The following MAGI1 variants were observed in gnomAD, a reference collection of about 807,000 sequenced individuals.
MAGI1 encodes membrane associated guanylate kinase, WW and PDZ domain containing 1.
In MAGI1, 58 loss-of-function variants were observed where a neutral mutation model predicts 139.9. That is an observed-to-expected ratio of 0.41 (90% CI 0.34 to 0.52). MAGI1 has a LOEUF of 0.52. MAGI1 is among the 20% of genes least tolerant of loss of function. The probability of loss-of-function intolerance (pLI) is 0.12; values close to 1 mark genes in which losing one functional copy is unlikely to be tolerated. For missense variants in MAGI1, 1,874 were observed against 1,901.6 expected (o/e 0.99, Z 0.27); for synonymous variants, 812 against 737.9 (o/e 1.10, Z -1.63).
intron 1 of MAGI1, among the ~76,000 whole-genome samples, chr3:65,772,777 C>A (rs963842690): frequency 1.3e-5 from 2 of 152,184 alleles, no homozygotes; most frequent in Non-Finnish European, 2.9e-5. Context: ...TTTCCAGGGA[C>A]CTGGTTTTAC....
chr3:65,402,142 C>A (rs1944949075), intron 12 of MAGI1, among the ~76,000 whole-genome samples: 1 of 152,126 alleles, frequency 6.6e-6, no homozygotes, highest in South Asian at 2.1e-4. Flanking sequence ...ATCCAAGCAA[C>A]CTCCTACTCA....
chr3:65,960,767 C>T (rs2064383153), intron 1 of MAGI1, among the ~76,000 whole-genome samples: 1 of 152,208 alleles, frequency 6.6e-6, no homozygotes, highest in Non-Finnish European at 1.5e-5. Flanking sequence ...CCTTTCAACT[C>T]TTCCATTTCT....
At chr3:65,405,195 TA>T (rs1945239077) in intron 12 of MAGI1, among the ~76,000 whole-genome samples, 1 of 152,178 alleles carries the variant, frequency 6.6e-6, no homozygotes, top group Non-Finnish European at 1.5e-5. Context: ...CTTGAGTATC[TA>T]AAGTTCTCTA....
intron 1 of MAGI1, among the ~76,000 whole-genome samples, chr3:66,035,635 G>C (rs1003807187): frequency 2.6e-5 from 4 of 152,008 alleles, no homozygotes; most frequent in Middle Eastern, 3.2e-3. Flanking sequence ...GGCCATTCAG[G>C]TTTCCCAATC....
At chr3:66,030,665 G>C (rs1004757985) in intron 1 of MAGI1, among the ~76,000 whole-genome samples, 6 of 152,154 alleles carry the variant, frequency 3.9e-5, no homozygotes, top group Non-Finnish European at 8.8e-5. Flanking sequence ...GAGATAGCAA[G>C]CCTGTAAGAT....
chr3:65,775,202 T>C (rs989628590), intron 1 of MAGI1, among the ~76,000 whole-genome samples: 3 of 152,030 alleles, frequency 2.0e-5, no homozygotes, highest in African/African-American at 7.2e-5. Context: ...TCCCAGCACT[T>C]TCTGAGGCCA....
chr3:65,407,814 T>C (rs1277855388), intron 12 of MAGI1, among the ~76,000 whole-genome samples: 1 of 152,206 alleles, frequency 6.6e-6, no homozygotes, highest in South Asian at 2.1e-4. Flanking sequence ...GCAATAATCA[T>C]CAACAGGATC....
At chr3:65,469,409 G>A (rs920416774) in intron 5 of MAGI1, among the ~76,000 whole-genome samples, 10 of 151,592 alleles carry the variant, frequency 6.6e-5, no homozygotes, top group Non-Finnish European at 2.9e-5. Flanking sequence ...TCAAAATACT[G>A]CATTTAAAAA....
At chr3:65,454,014 G>A (rs1451463359) in intron 5 of MAGI1, among the ~76,000 whole-genome samples, 4 of 152,166 alleles carry the variant, frequency 2.6e-5, no homozygotes, top group African/African-American at 9.7e-5. Context: ...TCAACAGATG[G>A]TGACTGGGGC....
intron 2 of MAGI1, among the ~76,000 whole-genome samples, chr3:65,558,250 T>C (rs930183321): frequency 6.6e-6 from 1 of 152,340 alleles, no homozygotes; most frequent in African/African-American, 2.4e-5. Context: ...AATTGGTTGA[T>C]TTTTATTTTT....
intron 1 of MAGI1, among the ~76,000 whole-genome samples, chr3:65,677,346 C>T (rs1490475012): frequency 6.6e-6 from 1 of 152,072 alleles, no homozygotes; most frequent in African/African-American, 2.4e-5. Context: ...GATGGGAAGA[C>T]TAAGAGGCTT....
intron 1 of MAGI1, among the ~76,000 whole-genome samples, chr3:66,031,902 C>T (rs1341009220): frequency 1.3e-5 from 2 of 152,126 alleles, no homozygotes; most frequent in Admixed American, 6.5e-5. Flanking sequence ...GCCTGCTGAA[C>T]ATCTGAAATT....
chr3:65,454,215 G>A (rs1471511091), intron 5 of MAGI1, among the ~76,000 whole-genome samples: 1 of 152,164 alleles, frequency 6.6e-6, no homozygotes, highest in Non-Finnish European at 1.5e-5. Context: ...CAGTCCAGTA[G>A]TTCTGGCTAC....
intron 1 of MAGI1, among the ~76,000 whole-genome samples, chr3:65,839,469 G>C (rs932074698): frequency 6.6e-6 from 1 of 151,992 alleles, no homozygotes; most frequent in Non-Finnish European, 1.5e-5. Context: ...TTCCAGAAGA[G>C]GACATTGTTA....
intron 2 of MAGI1, among the ~76,000 whole-genome samples, chr3:65,515,908 A>T (rs1055219005): frequency 1.3e-5 from 2 of 152,256 alleles, no homozygotes; most frequent in Non-Finnish European, 2.9e-5. Flanking sequence ...GTGAGAACAC[A>T]TCATAAAGTT....
chr3:65,442,458 C>G lies in MAGI1; in HGVS notation c.1136+334G>C, dbSNP rs150808903. Among the ~76,000 whole-genome samples, 6 of 150,314 alleles carry G rather than the reference C, an allele frequency of 4.0e-5. No homozygotes were observed. The East Asian group carries it at 1.2e-3, about 30-fold the overall frequency. On this transcript the variant is annotated intron_variant, in intron 8 of 22. Transcript: ENST00000402939. ...GTAAAGATAAACAATCCCTCTTCAT[C>G]TGGTCTACTGAATCCTGGCTTTTCT... is the stretch of plus-strand genomic sequence containing the variant.
intron 1 of MAGI1, among the ~76,000 whole-genome samples, chr3:65,887,170 G>A (rs943857291): frequency 1.3e-5 from 2 of 152,012 alleles, no homozygotes; most frequent in Non-Finnish European, 2.9e-5. Flanking sequence ...ATTTTTATCT[G>A]TATAGAAAAA....
chr3:65,463,081 T>G (rs1421954368), intron 5 of MAGI1, among the ~76,000 whole-genome samples: 1 of 152,232 alleles, frequency 6.6e-6, no homozygotes, highest in Non-Finnish European at 1.5e-5. Context: ...ATAATTTGAC[T>G]TCCTCTCTTC....
intron 2 of MAGI1, among the ~76,000 whole-genome samples, chr3:65,547,449 CTTATGATT>C (rs772590244): frequency 3.5e-4 from 53 of 152,016 alleles, no homozygotes; most frequent in Non-Finnish European, 6.3e-4. Flanking sequence ...TACAGGTTAC[CTTATGATT>C]TTTATAAATG....
Sources: allele counts gnomAD v4.1 joint callset (sites outside exome capture counted in the v4.1 genomes callset), GRCh38; gene constraint gnomAD v4.1.1; transcripts MANE v1.5; gene names NCBI Gene and HGNC (gene_info 2026-07-23, HGNC 2026-07-21).